HS3ST5: variants seen among roughly 807,000 people sequenced by gnomAD.
HS3ST5 encodes heparan sulfate glucosamine 3-O-sulfotransferase 5.
In HS3ST5, 10 loss-of-function variants were observed where a neutral mutation model predicts 25.4. The observed-to-expected ratio is 0.39, with a 90% confidence interval of 0.24 to 0.67. The LOEUF is 0.67. Ranked by LOEUF, HS3ST5 falls within the 30% of genes least tolerant of loss-of-function variation. The pLI is 0.44. For synonymous variants in HS3ST5, 170 were observed against 162.4 expected (o/e 1.05, Z -0.36); for missense variants, 324 against 420.7 (o/e 0.77, Z 2.01).
chr6:114,154,989 C>A (rs929823786), intron 3 of HS3ST5, among the ~76,000 whole-genome samples: 2 of 152,152 alleles, frequency 1.3e-5, no homozygotes, highest in Admixed American at 6.5e-5. Context: ...CACCACCCCA[C>A]CCCCAGCTGG....
intron 1 of HS3ST5, among the ~76,000 whole-genome samples, chr6:114,287,758 C>T (rs554536542): frequency 2.2e-4 from 33 of 151,942 alleles, no homozygotes; most frequent in Non-Finnish European, 4.1e-4. Context: ...GTTACCATAG[C>T]AGAACCGACC....
At chr6:114,081,428 TAA>T (rs1774444439) in intron 3 of HS3ST5, among the ~76,000 whole-genome samples, 1 of 151,984 alleles carries the variant, frequency 6.6e-6, no homozygotes, top group Admixed American at 6.6e-5. Context: ...GCACAAATTT[TAA>T]AAGAGAGCTG....
chr6:114,249,614 C>T (rs1288105323), intron 1 of HS3ST5, among the ~76,000 whole-genome samples: 4 of 152,112 alleles, frequency 2.6e-5, no homozygotes, highest in East Asian at 1.9e-4. Flanking sequence ...GCTCAGGGTA[C>T]GACCCCTCCC....
chr6:114,201,950 A>G (rs116473327), intron 2 of HS3ST5, among the ~76,000 whole-genome samples: 2,577 of 152,082 alleles, frequency 0.017, 35 homozygotes, highest in African/African-American at 0.04. Context: ...GAATAGCAGC[A>G]TGGGGGCAGC....
At position 114,062,787 on chromosome 6, in the gene HS3ST5, G is replaced by A; in HGVS notation, c.59C>T (p.Ala20Val). The change falls in exon 4 of 5, where the codon GCC becomes GTC. Residue 20 changes from alanine (A) to valine (V), a missense_variant. Physicochemically the swap from Ala to Val is moderately conservative, Grantham distance 64 (BLOSUM62 0). Transcript: ENST00000312719. ...RQKLLVLGSL[A>V]VGSLLYLVAR... ...GACTAGATACAGGAGACTCCCAACG[G>A]CAAGGCTTCCCAGCACCAGGAGCTT... 6.2e-7 allele frequency: 1 copy of A among 1,613,916 alleles called. No individual in the cohort carries two copies. Among genetic ancestry groups the A allele is most frequent in the Non-Finnish European group, 8.5e-7 (1 of 1,179,910 alleles).
At chr6:114,169,520 A>G (rs1233609796) in intron 2 of HS3ST5, among the ~76,000 whole-genome samples, 1 of 152,174 alleles carries the variant, frequency 6.6e-6, no homozygotes, top group African/African-American at 2.4e-5. Flanking sequence ...GTAGAAAAAA[A>G]CACATCCAGC....
At chr6:114,180,604 G>T (rs1019493042) in intron 2 of HS3ST5, among the ~76,000 whole-genome samples, 10 of 152,150 alleles carry the variant, frequency 6.6e-5, no homozygotes, top group African/African-American at 2.4e-4. Context: ...TGGCTTCCCG[G>T]CTTCTCAGCC....
In HS3ST5 at chr6:114,180,002, C is replaced by T. The variant is rs543649360; in HGVS notation, c.-144-11540G>A. Among the ~76,000 whole-genome samples the T allele has an allele frequency of 3.3e-5, 5 of 152,192 alleles. 1 individual carries two copies. In the South Asian group the frequency reaches 1.0e-3, roughly 32 times the overall value. ...GAAGACTCAGCAAGTCATCTTCTTC[C>T]ACCTTCTTCTGCCTGCTTTTTCTAG... On this transcript the variant is annotated intron_variant, in intron 2 of 4. Transcript: ENST00000312719.
chr6:114,321,065 T>C (rs1434691333), intron 1 of HS3ST5, among the ~76,000 whole-genome samples: 2 of 151,968 alleles, frequency 1.3e-5, no homozygotes, highest in Non-Finnish European at 2.9e-5. Flanking sequence ...TATTTCTGGA[T>C]GAACAAATAA....
chr6:114,136,355 A>G (rs988537214), intron 3 of HS3ST5, among the ~76,000 whole-genome samples: 1 of 151,912 alleles, frequency 6.6e-6, no homozygotes, highest in African/African-American at 2.4e-5. Context: ...CCCTGCACAC[A>G]CTCTGTTGGC....
At chr6:114,071,076 C>T (rs1773792089) in intron 3 of HS3ST5, among the ~76,000 whole-genome samples, 1 of 152,210 alleles carries the variant, frequency 6.6e-6, no homozygotes, top group African/African-American at 2.4e-5. Context: ...ACATACCCTA[C>T]CCAAGGCCTA....
chr6:114,184,970 AT>A (rs993257518), intron 2 of HS3ST5, among the ~76,000 whole-genome samples: 11 of 152,226 alleles, frequency 7.2e-5, no homozygotes, highest in African/African-American at 2.6e-4. Flanking sequence ...CACATAACAT[AT>A]TTGGTTTTAC....
At chr6:114,208,186 A>T (rs1434637580) in intron 2 of HS3ST5, among the ~76,000 whole-genome samples, 1 of 152,194 alleles carries the variant, frequency 6.6e-6, no homozygotes, top group African/African-American at 2.4e-5. Flanking sequence ...AAAACTGGGG[A>T]CACCCCAATG....
intron 1 of HS3ST5, among the ~76,000 whole-genome samples, chr6:114,262,344 A>G (rs528989907): frequency 4.3e-4 from 65 of 152,292 alleles, no homozygotes; most frequent in African/African-American, 8.7e-4. Flanking sequence ...TCAGGAGATC[A>G]AGACCATCCT....
chr6:114,160,578 G>A (rs970003223), intron 3 of HS3ST5, among the ~76,000 whole-genome samples: 1 of 151,910 alleles, frequency 6.6e-6, no homozygotes, highest in Non-Finnish European at 1.5e-5. Flanking sequence ...AGCTTTCAGG[G>A]AAAAACACTT....
chr6:114,122,135 C>T (rs1776821096), intron 3 of HS3ST5, among the ~76,000 whole-genome samples: 1 of 152,202 alleles, frequency 6.6e-6, no homozygotes, highest in Non-Finnish European at 1.5e-5. Flanking sequence ...GATTGTCTGT[C>T]ACTCTGCTTA....
chr6:114,194,010 C>T (rs1780625754), intron 2 of HS3ST5, among the ~76,000 whole-genome samples: 1 of 152,148 alleles, frequency 6.6e-6, no homozygotes, highest in Admixed American at 6.6e-5. Context: ...AAGGAACATA[C>T]TGTCACTAGG....
At chr6:114,063,696 G>A (rs1164468583) in intron 3 of HS3ST5, among the ~76,000 whole-genome samples, 1 of 152,170 alleles carries the variant, frequency 6.6e-6, no homozygotes, top group Non-Finnish European at 1.5e-5. Flanking sequence ...AGTAGAAGAA[G>A]GGGGTGAAAT....
chr6:114,274,055 T>A (rs977385514), intron 1 of HS3ST5, among the ~76,000 whole-genome samples: 3 of 151,858 alleles, frequency 2.0e-5, no homozygotes, highest in Admixed American at 2.0e-4. Context: ...GTGGAGTAGT[T>A]CTCATGGGTA....
Sources: gnomAD v4.1 joint callset for allele counts (sites outside exome capture counted in the v4.1 genomes callset) on GRCh38, gnomAD v4.1.1 for gene constraint, MANE v1.5 for transcripts, NCBI Gene and HGNC (gene_info 2026-07-23, HGNC 2026-07-21) for gene names.